DNM1L: variants seen among roughly 807,000 people sequenced by gnomAD.
DNM1L encodes dynamin-1-like protein.
In DNM1L, 33 loss-of-function variants were observed where a neutral mutation model predicts 92.8. The ratio of observed to expected loss-of-function variants is 0.36; its 90% CI spans 0.27 to 0.48. DNM1L has a LOEUF of 0.48. Among genes scored for constraint, DNM1L ranks in the 20% least tolerant of loss-of-function variants. The pLI is 0.99. For missense variants in DNM1L, 485 were observed against 888.8 expected, an observed-to-expected ratio of 0.55 and a Z score of 5.78; for synonymous variants, 284 against 305.0, an observed-to-expected ratio of 0.93 and a Z score of 0.72.
chr12:32,714,994 C>T (rs574887415), intron 6 of DNM1L, among the ~76,000 whole-genome samples: 210 of 151,912 alleles, frequency 1.4e-3, no homozygotes, highest in Non-Finnish European at 2.5e-3. Flanking sequence ...GCCAGACCTT[C>T]GTAAAAAACA....
chr12:32,693,798 T>C (rs1403954226), intron 1 of DNM1L, among the ~76,000 whole-genome samples: 2 of 151,988 alleles, frequency 1.3e-5, no homozygotes, highest in Non-Finnish European at 2.9e-5. Flanking sequence ...CAACCTTGCC[T>C]GGCTAATTTT....
rs542495901 is a variant in DNM1L at position 32,732,389 on chromosome 12, G to A, written c.1446+446G>A. ...ACCTAATAACTATAATATCGTAGTT[G>A]CTTGCTACTATTCTGTGGGTTGCTG... is the stretch of plus-strand genomic sequence containing the variant. On this transcript the variant is annotated intron_variant, in intron 12 of 19. Coordinates refer to ENST00000549701, the MANE Select transcript of DNM1L (RefSeq NM_012062.5). 3.0e-4 allele frequency: 121 copies of A among 398,958 alleles called. 1 individual carries two copies. Among genetic ancestry groups the A allele is most frequent in the Admixed American group, 1.3e-3 (43 of 33,018 alleles). 24.7% of individuals were successfully genotyped at this position (398,958 alleles called of 1,614,324 possible).
intron 1 of DNM1L, among the ~76,000 whole-genome samples, chr12:32,698,044 T>C (rs1250421710): frequency 6.6e-6 from 1 of 152,118 alleles, no homozygotes; most frequent in African/African-American, 2.4e-5. Flanking sequence ...GTCTATATGT[T>C]GTTAAAATTA....
chr12:32,708,859 T>C (rs1255685423), intron 4 of DNM1L, among the ~76,000 whole-genome samples: 1 of 152,114 alleles, frequency 6.6e-6, no homozygotes, highest in Non-Finnish European at 1.5e-5. Context: ...TTTATTCCTA[T>C]TATTTTTCTC....
At chr12:32,738,096 C>G in intron 15 of DNM1L, 154 bp downstream of exon 15, 1 of 1,032,192 alleles carries the variant, frequency 9.7e-7, no homozygotes, top group Non-Finnish European at 1.4e-6. Flanking sequence ...AATTATATAA[C>G]AATGCAATGC....
intron 5 of DNM1L, among the ~76,000 whole-genome samples, chr12:32,712,885 A>G (rs1953194378): frequency 6.6e-6 from 1 of 152,142 alleles, no homozygotes; most frequent in African/African-American, 2.4e-5. Flanking sequence ...TCACGTTCAG[A>G]AAAGTGCCTA....
intron 4 of DNM1L, among the ~76,000 whole-genome samples, chr12:32,709,375 G>T (rs7955411): frequency 0.15 from 23,409 of 152,124 alleles, 1,906 homozygotes; most frequent in Middle Eastern, 0.21. Flanking sequence ...ACTGAACTCA[G>T]CAATTGGTGG....
At chr12:32,696,750 G>A (rs1055601709) in intron 1 of DNM1L, among the ~76,000 whole-genome samples, 2 of 151,516 alleles carry the variant, frequency 1.3e-5, no homozygotes, top group Middle Eastern at 3.4e-3. Context: ...TCAGCCTCCT[G>A]AGTAGCTGGG....
At chr12:32,741,231 T>C (rs572262106) in intron 18 of DNM1L, among the ~76,000 whole-genome samples, 1 of 152,356 alleles carries the variant, frequency 6.6e-6, no homozygotes, top group East Asian at 1.9e-4. Context: ...CCTAGTGTTT[T>C]ACACTGTGGG....
intron 2 of DNM1L, among the ~76,000 whole-genome samples, chr12:32,702,233 CAAAAAA>C (rs1179046487): frequency 2.5e-5 from 2 of 81,342 alleles, no homozygotes; most frequent in Admixed American, 1.4e-4. Flanking sequence ...GACTCCGTCT[CAAAAAA>C]AAAAAAAAAA....
intron 1 of DNM1L, among the ~76,000 whole-genome samples, chr12:32,684,959 A>ATTT (rs1951947024): frequency 9.0e-6 from 1 of 111,278 alleles, no homozygotes. Flanking sequence ...TTTTTTTTTG[A>ATTT]GATGGAGTCT....
At chr12:32,734,378 A>G (rs1488245279) in intron 13 of DNM1L, among the ~76,000 whole-genome samples, 1 of 152,054 alleles carries the variant, frequency 6.6e-6, no homozygotes, top group Non-Finnish European at 1.5e-5. Context: ...TTTTTCTGCT[A>G]CTCCCTAATT....
intron 1 of DNM1L, among the ~76,000 whole-genome samples, chr12:32,695,391 C>G (rs77431494): frequency 6.6e-6 from 1 of 152,072 alleles, no homozygotes; most frequent in Admixed American, 6.6e-5. Context: ...AAAGGCAAGA[C>G]AGAAGACACT....
chr12:32,740,446 A>G lies in DNM1L; in HGVS notation c.1922A>G (p.Gln641Arg). The G allele has an allele frequency of 6.2e-7, 1 of 1,614,150 alleles. No individual in the cohort carries two copies. Among genetic ancestry groups the G allele is most frequent in the South Asian group, 1.1e-5 (1 of 91,080 alleles). Residue 641 changes from glutamine to arginine, a missense_variant, in exon 18 of 20, where the codon CAG (glutamine) becomes CGG (arginine). Gln to Arg is a conservative substitution (Grantham distance 43). Around this residue, in one of 11 missense-constraint regions of DNM1L, gnomAD observed 133 missense variants for 210.9 expected, o/e 0.63. Transcript: ENST00000549701. ...GCACGAAAACTATCTGCTCGGGAAC[A>G]GCGAGATTGTGAGGTTATTGAACGA... ...PVARKLSARE[Q>R]RDCEVIERLI...
At chr12:32,696,383 A>ACAC (rs1952454585) in intron 1 of DNM1L, among the ~76,000 whole-genome samples, 11 of 145,014 alleles carry the variant, frequency 7.6e-5, no homozygotes, top group South Asian at 2.2e-4. Context: ...CACACACACA[A>ACAC]ACACACACAC....
intron 8 of DNM1L, 109 bp downstream of exon 8, chr12:32,720,904 C>T: frequency 7.3e-7 from 1 of 1,370,472 alleles, no homozygotes. Flanking sequence ...AACAGCTTCA[C>T]TTATGGTTTC....
At chr12:32,706,165 T>G (rs1373916440) in intron 2 of DNM1L, 1 of 260,180 alleles carries the variant, frequency 3.8e-6, no homozygotes, top group African/African-American at 2.2e-5. Context: ...TTGCATTTTG[T>G]GAGTTCTGTT....
intron 19 of DNM1L, 28 bp from the exon 20 acceptor site, chr12:32,743,326 A>AT (rs759367807): frequency 6.2e-7 from 1 of 1,605,304 alleles, no homozygotes; most frequent in Non-Finnish European, 8.5e-7. Context: ...TATAATAAGC[A>AT]TTTAAAATTT....
chr12:32,727,247 C>A (rs1057182396), intron 9 of DNM1L: 1 of 1,452,830 alleles, frequency 6.9e-7, no homozygotes, highest in African/African-American at 1.4e-5. Flanking sequence ...CAGCATACTT[C>A]CTTTCAAGAT....
Sources: gnomAD v4.1 joint callset for allele counts (sites outside exome capture counted in the v4.1 genomes callset) on GRCh38, gnomAD v4.1.1 for gene constraint, gnomAD v4.1.1 regional missense constraint, MANE v1.5 for transcripts, NCBI Gene and HGNC (gene_info 2026-07-23, HGNC 2026-07-21) for gene names.